The following KCND2 variants were observed in gnomAD, a reference collection of about 807,000 sequenced individuals.
The protein encoded by KCND2 is A-type voltage-gated potassium channel KCND2.
In KCND2, 16 loss-of-function variants were observed where a neutral mutation model predicts 54.4. That is an observed-to-expected ratio of 0.29 (90% CI 0.20 to 0.45). The LOEUF (loss-of-function observed/expected upper bound fraction) is 0.45. KCND2 is among the 20% of genes least tolerant of loss of function. KCND2 has a pLI of 1.00. For synonymous variants in KCND2, 317 were observed against 310.7 expected, an observed-to-expected ratio of 1.02 and a Z score of -0.21; for missense variants, 486 against 824.2, an observed-to-expected ratio of 0.59 and a Z score of 5.02.
At chr7:120,624,715 A>AG (rs1479743606) in intron 1 of KCND2, among the ~76,000 whole-genome samples, 2 of 151,834 alleles carry the variant, frequency 1.3e-5, no homozygotes. Context: ...AAGGAGGACA[A>AG]GGTTGCAGTG....
intron 1 of KCND2, among the ~76,000 whole-genome samples, chr7:120,678,372 TACGCAC>T (rs1445531489): frequency 4.3e-4 from 58 of 133,444 alleles, no homozygotes; most frequent in East Asian, 1.3e-3. Flanking sequence ...TATATATATA[TACGCAC>T]ACACACATAT....
At chr7:120,507,726 T>C (rs1261499137) in intron 1 of KCND2, among the ~76,000 whole-genome samples, 1 of 151,922 alleles carries the variant, frequency 6.6e-6, no homozygotes, top group Non-Finnish European at 1.5e-5. Flanking sequence ...CTCCTGAATT[T>C]TCAGCCTTTG....
intron 1 of KCND2, among the ~76,000 whole-genome samples, chr7:120,687,361 C>T (rs567228362): frequency 4.0e-4 from 61 of 152,250 alleles, no homozygotes; most frequent in Non-Finnish European, 6.6e-4. Context: ...TGCTGTATAA[C>T]ATAGGCAACA....
At chr7:120,621,291 A>AGG (rs1793095514) in intron 1 of KCND2, among the ~76,000 whole-genome samples, 1 of 149,530 alleles carries the variant, frequency 6.7e-6, no homozygotes, top group Non-Finnish European at 1.5e-5. Flanking sequence ...AAAAAAAAAA[A>AGG]AAAAAAAAAA....
At chr7:120,651,659 C>A (rs988680512) in intron 1 of KCND2, among the ~76,000 whole-genome samples, 9 of 152,198 alleles carry the variant, frequency 5.9e-5, no homozygotes, top group Non-Finnish European at 1.2e-4. Flanking sequence ...GTGAGATGAA[C>A]CTGGTATCTC....
chr7:120,633,512 C>A (rs1364343522), intron 1 of KCND2, among the ~76,000 whole-genome samples: 1 of 152,088 alleles, frequency 6.6e-6, no homozygotes, highest in African/African-American at 2.4e-5. Context: ...TAAAATACAA[C>A]CCGTGCTGAA....
chr7:120,688,011 T>A (rs1792225754), intron 1 of KCND2, among the ~76,000 whole-genome samples: 1 of 152,150 alleles, frequency 6.6e-6, no homozygotes, highest in Non-Finnish European at 1.5e-5. Flanking sequence ...AAATCCCCAC[T>A]GCAACCTGGT....
chr7:120,705,915 C>G (rs1389552362), intron 1 of KCND2, among the ~76,000 whole-genome samples: 1 of 151,998 alleles, frequency 6.6e-6, no homozygotes, highest in Non-Finnish European at 1.5e-5. Flanking sequence ...CATTTCACCC[C>G]TAATGTCCCC....
chr7:120,531,398 T>G (rs149759370), intron 1 of KCND2, among the ~76,000 whole-genome samples: 85 of 152,206 alleles, frequency 5.6e-4, no homozygotes, highest in Non-Finnish European at 1.1e-3. Flanking sequence ...TCTAGCAACT[T>G]AAACTACATC....
At chr7:120,566,456 C>T (rs1792298818) in intron 1 of KCND2, among the ~76,000 whole-genome samples, 1 of 152,132 alleles carries the variant, frequency 6.6e-6, no homozygotes. Flanking sequence ...GATCCTCCCA[C>T]CTAAGCCTCC....
chr7:120,633,902 AGTTGG>A, intron 1 of KCND2, among the ~76,000 whole-genome samples: 1 of 152,304 alleles, frequency 6.6e-6, no homozygotes, highest in South Asian at 2.1e-4. Context: ...TACAATTTTA[AGTTGG>A]GTAGTATAGC....
intron 1 of KCND2, among the ~76,000 whole-genome samples, chr7:120,500,949 C>T (rs1404962546): frequency 6.6e-6 from 1 of 151,202 alleles, no homozygotes; most frequent in Non-Finnish European, 1.5e-5. Flanking sequence ...ATGGTTAAAT[C>T]CTATATTTGA....
At chr7:120,513,710 T>A (rs1034795040) in intron 1 of KCND2, among the ~76,000 whole-genome samples, 6 of 152,136 alleles carry the variant, frequency 3.9e-5, no homozygotes, top group Non-Finnish European at 8.8e-5. Flanking sequence ...TACTTTTTTT[T>A]ACTTTTCTAA....
chr7:120,549,413 G>A (rs768377521), intron 1 of KCND2, among the ~76,000 whole-genome samples: 1 of 152,086 alleles, frequency 6.6e-6, no homozygotes, highest in African/African-American at 2.4e-5. Flanking sequence ...AAACAGAAAG[G>A]TGAAGAGAGT....
At chr7:120,509,800 T>C (rs1373928923) in intron 1 of KCND2, among the ~76,000 whole-genome samples, 1 of 152,102 alleles carries the variant, frequency 6.6e-6, no homozygotes, top group African/African-American at 2.4e-5. Flanking sequence ...TTTTGCCTTT[T>C]GTTGTGAAAA....
At chr7:120,388,203 C>A (rs181498773) in intron 1 of KCND2, among the ~76,000 whole-genome samples, 1 of 151,914 alleles carries the variant, frequency 6.6e-6, no homozygotes, top group Non-Finnish European at 1.5e-5. Flanking sequence ...TCCCAAGGAA[C>A]CTTTTTTTAT....
intron 1 of KCND2, among the ~76,000 whole-genome samples, chr7:120,599,153 T>G (rs1792784158): frequency 6.6e-6 from 1 of 152,156 alleles, no homozygotes; most frequent in East Asian, 1.9e-4. Context: ...GATCTATTTT[T>G]AAATCGTGGT....
At chr7:120,742,074 A>C (rs1792948556) in intron 3 of KCND2, among the ~76,000 whole-genome samples, 1 of 152,172 alleles carries the variant, frequency 6.6e-6, no homozygotes, top group Admixed American at 6.6e-5. Context: ...ATATGGCATA[A>C]ACTACAATTT....
At chr7:120,744,134 A>G (rs1479548049) in intron 4 of KCND2, among the ~76,000 whole-genome samples, 1 of 151,896 alleles carries the variant, frequency 6.6e-6, no homozygotes, top group African/African-American at 2.4e-5. Context: ...TGGTGGCGGG[A>G]GCCTGTATTC....
Sources: allele counts gnomAD v4.1 joint callset (sites outside exome capture counted in the v4.1 genomes callset), GRCh38; gene constraint gnomAD v4.1.1; transcripts MANE v1.5; gene names NCBI Gene and HGNC (gene_info 2026-07-23, HGNC 2026-07-21).